Variants in MYH9 observed in about 807,000 individuals in gnomAD.
The protein encoded by MYH9 is myosin heavy chain 9.
In MYH9, 29 loss-of-function variants were observed where a neutral mutation model predicts 241.9. The observed-to-expected ratio is 0.12, with a 90% CI of 0.09 to 0.16. The LOEUF is 0.16. Ranked by LOEUF, MYH9 falls within the 10% of genes least tolerant of loss-of-function variation. MYH9 has a pLI of 1.00. For missense variants in MYH9, 1,803 were observed against 2,595.5 expected, an observed-to-expected ratio of 0.69 and a Z score of 6.63; for synonymous variants, 1,047 against 1,062.6, an observed-to-expected ratio of 0.99 and a Z score of 0.29.
At position 36,281,299 on chromosome 22, in the gene MYH9, T is replaced by C. The variant is rs2016484270; in HGVS notation, c.*1369A>G. On this transcript the variant is annotated 3_prime_UTR_variant, in exon 41 of 41. Coordinates refer to ENST00000216181, the MANE Select transcript of MYH9 (RefSeq NM_002473.6). ...GGCTCGTAGCACATGGTTCTCTTTA[T>C]TGTGATGCTCAGTGGAAAACATCTG... is the stretch of plus-strand genomic sequence containing the variant. 1 of 203,044 alleles carries C rather than the reference T, an allele frequency of 4.9e-6. No homozygotes were observed. The highest frequency in any genetic ancestry group is 1.0e-5 in the Non-Finnish European group (1 of 98,776). 12.6% of individuals were successfully genotyped at this position (203,044 alleles called of 1,614,324 possible). A position where few individuals can be genotyped will look rare whatever the true frequency, so the allele number is the denominator to read the frequency against.
chr22:36,338,110 G>A (rs551298491), intron 3 of MYH9, among the ~76,000 whole-genome samples: 1 of 151,932 alleles, frequency 6.6e-6, no homozygotes, highest in Admixed American at 6.6e-5. Flanking sequence ...CAATTCTCAT[G>A]CCTCAGCCTC....
chr22:36,349,201 C>T lies in MYH9; in HGVS notation c.36G>A (p.Val12=), dbSNP rs1474370338. 1.9e-5 allele frequency: 30 copies of T among 1,614,066 alleles called. No individual in the cohort carries two copies. Among genetic ancestry groups the T allele is most frequent in the Non-Finnish European group, 2.3e-5 (27 of 1,180,054 alleles). ...GCGGATTGTTGATGAAGTTTTTATC[C>T]ACATAGAGATACTTATCGGCAGCTT... ...AQQAADKYLY[V]DKNFINNPLA... The change falls in exon 2 of 41, where the codon GTG becomes GTA. Residue 12 remains valine (V), a synonymous_variant. Coordinates refer to ENST00000216181, the MANE Select transcript of MYH9 (RefSeq NM_002473.6).
intron 1 of MYH9, among the ~76,000 whole-genome samples, chr22:36,353,116 T>A (rs977246837): frequency 1.7e-5 from 2 of 117,740 alleles, no homozygotes; most frequent in African/African-American, 3.5e-5. Context: ...TGTGTGTGTG[T>A]GTGTGTGTGT....
rs778026220 is a variant in MYH9 at position 36,301,004 on chromosome 22, C to T, written c.2685G>A (p.Leu895=). The change falls in exon 22 of 41, where the codon CTG becomes CTA. Residue 895 remains leucine (L), a synonymous_variant. Transcript: ENST00000216181. ...LQEQLQAETE[L]CAEAEELRAR... ...CCCGGAGCTCCTCAGCCTCGGCACACAGCTCGGTTTCTGCCTGGAGCTGCT... is the reference window on the plus strand; with the variant it reads ...CCCGGAGCTCCTCAGCCTCGGCACATAGCTCGGTTTCTGCCTGGAGCTGCT... The T allele has an allele frequency of 6.2e-7, 1 of 1,611,810 alleles. No individual in the cohort carries two copies. Among genetic ancestry groups the T allele is most frequent in the African/African-American group, 1.3e-5 (1 of 74,940 alleles).
Position 36,282,394 on chromosome 22 carries a change from G to C in MYH9, c.*274C>G, listed in dbSNP as rs1009441980. ...GTGCTTTTTGGCAAGAGAGGGCTGA[G>C]GAGCCTGCTGGTCGCTCTCTGCCTG... On this transcript the variant is annotated 3_prime_UTR_variant, in exon 41 of 41. Transcript: ENST00000216181. 1 of 589,322 alleles carries C rather than the reference G, an allele frequency of 1.7e-6. No individual in the cohort carries two copies. 36.5% of individuals were successfully genotyped at this position (589,322 alleles called of 1,614,324 possible).
At chr22:36,349,352 G>T in intron 1 of MYH9, 97 bp from the exon 2 acceptor site, 1 of 894,316 alleles carries the variant, frequency 1.1e-6, no homozygotes, top group Non-Finnish European at 1.8e-6. Flanking sequence ...AACTGTATAG[G>T]ATTAAGACAC....
rs1436597250 is a variant in MYH9 at position 36,284,432 on chromosome 22, G to A, written c.5563C>T (p.Arg1855Trp). The change falls in exon 39 of 41, where the codon CGG (arginine) becomes TGG (tryptophan). Residue 1855 changes from arginine (R) to tryptophan (W), a missense_variant. Around this residue, in one of 11 missense-constraint regions of MYH9, gnomAD observed 876 missense variants for 1,077.8 expected, o/e 0.81. Transcript: ENST00000216181. The part of the protein sequence containing the change: ...KDVLLQVDDE[R>W]RNAEQYKDQA... ...TCCTTGTACTGCTCGGCGTTCCTCC[G>A]CTCGTCATCCACCTGCAGCAGCACA... is the stretch of plus-strand genomic sequence containing the variant. The A allele has an allele frequency of 6.2e-7, 1 of 1,613,126 alleles. No individual in the cohort carries two copies. The highest frequency in any genetic ancestry group is 8.5e-7 in the Non-Finnish European group (1 of 1,180,008).
rs1470212122 is a variant in MYH9, at chr22:36,320,800, T to C, written c.866A>G (p.Lys289Arg). The C allele has an allele frequency of 6.2e-7, 1 of 1,613,318 alleles. No homozygotes were observed. Among genetic ancestry groups the C allele is most frequent in the South Asian group, 1.1e-5 (1 of 91,052 alleles). ...CAGGCTGCAGGCCAACTACTCACTC[T>C]TCAGGTGCTCTCCAGCCCCAGACAG... Reference protein sequence around the residue: ...YLLSGAGEHLKTDLLLEPYNK... With the variant: ...YLLSGAGEHLRTDLLLEPYNK... Residue 289 changes from lysine (K) to arginine (R), a missense_variant and splice_region_variant, in exon 8 of 41, where the codon AAG becomes AGG. By Grantham distance (26) the Lys-to-Arg change is conservative. Transcript: ENST00000216181. This position sits in a 1 kb window ranked among gnomAD's most constrained non-coding sequence, Gnocchi z 4.8.
At chr22:36,366,904 C>G (rs557366182) in intron 1 of MYH9, among the ~76,000 whole-genome samples, 8 of 152,272 alleles carry the variant, frequency 5.3e-5, no homozygotes, top group South Asian at 2.1e-4. Context: ...CCTAACGGCC[C>G]CCAGGCTGCA....
At chr22:36,318,620 G>A (rs1286317850) in intron 10 of MYH9, among the ~76,000 whole-genome samples, 2 of 152,168 alleles carry the variant, frequency 1.3e-5, no homozygotes, top group East Asian at 1.9e-4. Flanking sequence ...CCTGGCTGGA[G>A]GCCACAGCGG....
At chr22:36,284,993 G>C in intron 38 of MYH9, 128 bp downstream of exon 38, 1 of 869,542 alleles carries the variant, frequency 1.2e-6, no homozygotes, top group Non-Finnish European at 1.8e-6. Flanking sequence ...GGCCCCATCA[G>C]GAGGGAGGGA....
intron 1 of MYH9, among the ~76,000 whole-genome samples, chr22:36,351,109 G>A (rs893969762): frequency 3.9e-5 from 6 of 152,164 alleles, no homozygotes; most frequent in Non-Finnish European, 8.8e-5. Flanking sequence ...TTTTCATCTG[G>A]GCTCATTAGT....
intron 1 of MYH9, among the ~76,000 whole-genome samples, chr22:36,383,932 C>G (rs550152836): frequency 6.7e-6 from 1 of 148,406 alleles, no homozygotes; most frequent in Non-Finnish European, 1.5e-5. Flanking sequence ...TGCACTCCAG[C>G]CTGGGTGACA....
At chr22:36,365,703 T>G (rs948674470) in intron 1 of MYH9, among the ~76,000 whole-genome samples, 2 of 152,134 alleles carry the variant, frequency 1.3e-5, no homozygotes, top group Admixed American at 1.3e-4. Context: ...TCAAGTGATT[T>G]GCCCACCTCA....
intron 1 of MYH9, among the ~76,000 whole-genome samples, chr22:36,353,336 T>C (rs942863433): frequency 6.6e-6 from 1 of 152,130 alleles, no homozygotes; most frequent in Non-Finnish European, 1.5e-5. Flanking sequence ...CTTCCTACTC[T>C]GTCCTGGGGC....
chr22:36,300,177 G>C lies in MYH9; in HGVS notation c.2926C>G (p.Leu976Val). ...KVTTEAKLKK[L>V]EEEQIILEDQ... ...TCCAGGATGATCTGCTCCTCCTCCA[G>C]CTTTTTCAGCTTCGCCTCGGTGGTC... The change falls in exon 23 of 41, where the codon CTG (leucine) becomes GTG (valine). Residue 976 changes from leucine (L) to valine (V), a missense_variant. This residue lies in a region of MYH9 where 290 missense variants were observed against 360.5 expected (regional missense o/e 0.80). Coordinates refer to ENST00000216181, the MANE Select transcript of MYH9 (RefSeq NM_002473.6). This position sits in a 1 kb window ranked among gnomAD's most constrained non-coding sequence, Gnocchi z 5.0. 1.2e-6 allele frequency: 2 copies of C among 1,613,348 alleles called. No individual in the cohort carries two copies. The highest frequency in any genetic ancestry group is 2.2e-5 in the South Asian group (2 of 91,080).
chr22:36,301,750 T>C (rs939631515), intron 20 of MYH9, 85 bp from the exon 21 acceptor site: 8 of 1,565,972 alleles, frequency 5.1e-6, no homozygotes, highest in Non-Finnish European at 6.9e-6. Flanking sequence ...CCCTCACCTC[T>C]GGAAACATGA....
chr22:36,335,104 G>C (rs924871337), intron 3 of MYH9, among the ~76,000 whole-genome samples: 3 of 152,154 alleles, frequency 2.0e-5, no homozygotes, highest in Non-Finnish European at 2.9e-5. Flanking sequence ...CTCGAGGCTC[G>C]GTGGGGCGCC....
rs568025076 is a variant in MYH9, at chr22:36,281,920, T to C, written c.*748A>G. The stretch of plus-strand genomic sequence containing the variant: ...AGAAGCCACTGGAAGGCTGCTGGCC[T>C]TTCCAGCTTGACCCCGACAGCCTTG... On this transcript the variant is annotated 3_prime_UTR_variant, in exon 41 of 41. Transcript: ENST00000216181. The C allele has an allele frequency of 2.1e-4, 48 of 232,062 alleles. No individual in the cohort carries two copies. Among genetic ancestry groups the C allele is most frequent in the African/African-American group, 1.1e-3 (48 of 45,354 alleles). 14.4% of individuals were successfully genotyped at this position (232,062 alleles called of 1,614,324 possible). A position where few individuals can be genotyped will look rare whatever the true frequency, so the allele number is the denominator to read the frequency against.
Sources: allele counts gnomAD v4.1 joint callset (sites outside exome capture counted in the v4.1 genomes callset), GRCh38; gene constraint gnomAD v4.1.1; regional missense constraint gnomAD v4.1.1; non-coding constraint Gnocchi (gnomAD v3.1); transcripts MANE v1.5; gene names NCBI Gene and HGNC (gene_info 2026-07-23, HGNC 2026-07-21).